Variants in TRPM7 observed in about 807,000 individuals in gnomAD.
The protein encoded by TRPM7 is LTRPC ion channel family member 7.
Under a neutral mutation model 229.7 loss-of-function variants are expected in TRPM7, and 134 were observed. That is an observed-to-expected ratio of 0.58 (90% CI 0.51 to 0.67). The LOEUF is 0.67. Among genes scored for constraint, TRPM7 ranks in the 30% least tolerant of loss-of-function variants. TRPM7 has a pLI of 0.00. For synonymous variants in TRPM7, 699 were observed against 715.2 expected, an observed-to-expected ratio of 0.98 and a Z score of 0.36; for missense variants, 1,901 against 2,210.0, an observed-to-expected ratio of 0.86 and a Z score of 2.80.
intron 1 of TRPM7, among the ~76,000 whole-genome samples, chr15:50,685,448 C>CAGAGAGAGTCTCTGAG (rs2062336140): frequency 6.6e-6 from 1 of 152,104 alleles, no homozygotes; most frequent in South Asian, 2.1e-4. Flanking sequence ...CAGAGTGAGA[C>CAGAGAGAGTCTCTGAG]CCTGTCTCAA....
At chr15:50,567,797 A>ACAAGGAGT (rs1184604119) in intron 38 of TRPM7, among the ~76,000 whole-genome samples, 1 of 152,176 alleles carries the variant, frequency 6.6e-6, no homozygotes, top group East Asian at 1.9e-4. Flanking sequence ...TTCTCAAGAA[A>ACAAGGAGT]CAAGGAGTAG....
At chr15:50,614,470 C>T (rs1289559472) in intron 13 of TRPM7, among the ~76,000 whole-genome samples, 1 of 152,020 alleles carries the variant, frequency 6.6e-6, no homozygotes, top group African/African-American at 2.4e-5. Flanking sequence ...TGAGATCAGC[C>T]TGACCAACAT....
rs1275716596 is a variant in TRPM7, at chr15:50,643,460, CAG to C, written c.413_414del (p.Ser138CysfsTer9). 1 of 1,614,116 alleles carries C rather than the reference CAG, an allele frequency of 6.2e-7. No homozygotes were observed. The highest frequency in any genetic ancestry group is 8.5e-7 in the Non-Finnish European group (1 of 1,180,014). ...TCAAATTTCTGCATGCCCCCATGTA[CAG>C]AGATAACAAGTTTGGGTAACTCCAT... is the stretch of plus-strand genomic sequence containing the variant. Reference protein sequence around the residue: ...WQMELPKLVISVHGGMQKFEL... With the variant: ...WQMELPKLVIXVHGGMQKFEL... On this transcript the variant is annotated frameshift_variant, in exon 5 of 39. Transcript: ENST00000646667. LOFTEE classifies it high-confidence loss of function.
intron 13 of TRPM7, among the ~76,000 whole-genome samples, chr15:50,614,942 G>A (rs2060177812): frequency 6.6e-6 from 1 of 151,994 alleles, no homozygotes; most frequent in Admixed American, 6.6e-5. Flanking sequence ...AGCCGAGGCA[G>A]GCAGATCACC....
intron 2 of TRPM7, among the ~76,000 whole-genome samples, chr15:50,660,975 T>C (rs1201448347): frequency 6.6e-6 from 1 of 151,016 alleles, no homozygotes; most frequent in Non-Finnish European, 1.5e-5. Flanking sequence ...TTAACTACCA[T>C]TCCTTTTTTT....
chr15:50,592,660 T>C (rs1354887763), intron 25 of TRPM7, 34 bp from the exon 26 acceptor site: 1 of 1,395,610 alleles, frequency 7.2e-7, no homozygotes, highest in East Asian at 2.3e-5. Context: ...TTTACAAATG[T>C]GAAAAAATAA....
intron 3 of TRPM7, among the ~76,000 whole-genome samples, chr15:50,653,982 G>GT (rs1440357718): frequency 6.6e-6 from 1 of 152,118 alleles, no homozygotes; most frequent in Admixed American, 6.6e-5. Context: ...ACCTTAAGAG[G>GT]AAGGTCCACA....
At chr15:50,610,029 A>T (rs2060025907) in intron 17 of TRPM7, 68 bp from the exon 18 acceptor site, 1 of 1,154,474 alleles carries the variant, frequency 8.7e-7, no homozygotes, top group Non-Finnish European at 1.2e-6. Flanking sequence ...TAAAAACAAA[A>T]CAAAGAATAA....
chr15:50,577,440 G>C (rs776561363), intron 31 of TRPM7, among the ~76,000 whole-genome samples: 1 of 152,026 alleles, frequency 6.6e-6, no homozygotes, highest in Non-Finnish European at 1.5e-5. Flanking sequence ...CCAGCTACTC[G>C]GGAGGCTGAG....
At position 50,643,343 on chromosome 15, in the gene TRPM7, T is replaced by A; in HGVS notation, c.532A>T (p.Thr178Ser). The A allele has an allele frequency of 6.2e-7, 1 of 1,612,946 alleles. No homozygotes were observed. The highest frequency in any genetic ancestry group is 8.5e-7 in the Non-Finnish European group (1 of 1,178,988). Residue 178 changes from threonine to serine, a missense_variant, in exon 5 of 39, where the codon ACA (threonine) becomes TCA (serine). Around this residue, in one of 8 missense-constraint regions of TRPM7, gnomAD observed 794 missense variants for 881.9 expected, o/e 0.90. Transcript: ENST00000646667. Reference sequence around the variant, plus strand: ...ATTGGTATAATCATCACATTACCTGTGTTTACTCCTCCAGTTAAAATCCAG... The same window carrying A: ...ATTGGTATAATCATCACATTACCTGAGTTTACTCCTCCAGTTAAAATCCAG... ...GAWILTGGVN[T>S]GVAKHVGDAL...
intron 4 of TRPM7, among the ~76,000 whole-genome samples, 187 bp from the exon 5 acceptor site, chr15:50,643,740 A>G (rs1222658119): frequency 6.6e-6 from 1 of 152,188 alleles, no homozygotes; most frequent in African/African-American, 2.4e-5. Context: ...TGAAAAAATC[A>G]TTCTGTGAGA....
chr15:50,627,186 T>C (rs2060587289), intron 11 of TRPM7, among the ~76,000 whole-genome samples: 1 of 152,062 alleles, frequency 6.6e-6, no homozygotes, highest in South Asian at 2.1e-4. Context: ...AACTGAAAAA[T>C]ATTCTTGCCC....
Position 50,611,283 on chromosome 15 carries a change from G to T in TRPM7, c.2090C>A (p.Ser697Tyr). The T allele has an allele frequency of 6.2e-7, 1 of 1,613,828 alleles. No homozygotes were observed. The highest frequency in any genetic ancestry group is 8.5e-7 in the Non-Finnish European group (1 of 1,179,876). Residue 697 changes from serine (S) to tyrosine (Y), a missense_variant, in exon 17 of 39, where the codon TCC becomes TAC. Ser to Tyr is a moderately radical substitution (Grantham distance 144). Around this residue, in one of 8 missense-constraint regions of TRPM7, gnomAD observed 794 missense variants for 881.9 expected, o/e 0.90. Coordinates refer to ENST00000646667, the MANE Select transcript of TRPM7 (RefSeq NM_017672.6). The stretch of plus-strand genomic sequence containing the variant: ...AGCCATGGTTTCATCTTGTCTGAAG[G>T]ACTGTTCTAATAATTCAACGGCCAA... ...GQLAVELLEQ[S>Y]FRQDETMAMK...
chr15:50,648,992 A>G, intron 3 of TRPM7, 107 bp from the exon 4 acceptor site: 1 of 740,144 alleles, frequency 1.4e-6, no homozygotes, highest in Non-Finnish European at 2.0e-6. Context: ...AAATTTTTAT[A>G]TTTTATATAA....
At chr15:50,668,423 T>A (rs62017210) in intron 1 of TRPM7, among the ~76,000 whole-genome samples, 3 of 152,074 alleles carry the variant, frequency 2.0e-5, no homozygotes, top group Admixed American at 6.6e-5. Flanking sequence ...GGACAAAATT[T>A]GGAGCATATT....
intron 38 of TRPM7, among the ~76,000 whole-genome samples, chr15:50,569,651 C>T (rs2053774758): frequency 6.6e-6 from 1 of 152,126 alleles, no homozygotes; most frequent in Non-Finnish European, 1.5e-5. Context: ...CAACACTGAG[C>T]ACAATTCCTG....
At chr15:50,589,807 ATAAAAT>A in intron 26 of TRPM7, 151 bp from the exon 27 acceptor site, 1 of 495,420 alleles carries the variant, frequency 2.0e-6, no homozygotes, top group Non-Finnish European at 3.5e-6. Context: ...CTTTTGATAA[ATAAAAT>A]TGAAAATTGC....
intron 38 of TRPM7, among the ~76,000 whole-genome samples, chr15:50,569,320 A>G (rs1191446653): frequency 6.6e-6 from 1 of 152,186 alleles, no homozygotes; most frequent in Non-Finnish European, 1.5e-5. Flanking sequence ...TACAAAGATG[A>G]TGTTAATATC....
At chr15:50,627,048 C>T (rs977738591) in intron 11 of TRPM7, among the ~76,000 whole-genome samples, 2 of 152,110 alleles carry the variant, frequency 1.3e-5, no homozygotes, top group African/African-American at 4.8e-5. Flanking sequence ...AGTTTGTCCT[C>T]CGTAAAGGCT....
Sources: allele counts gnomAD v4.1 joint callset (sites outside exome capture counted in the v4.1 genomes callset), GRCh38; gene constraint gnomAD v4.1.1; regional missense constraint gnomAD v4.1.1; transcripts MANE v1.5; gene names NCBI Gene and HGNC (gene_info 2026-07-23, HGNC 2026-07-21).